Variants in SASH1 observed in about 807,000 individuals in gnomAD.
SASH1 encodes SAM and SH3 domain-containing protein 1.
A neutral mutation model predicts 125.2 loss-of-function variants in SASH1; 44 were observed. The observed-to-expected ratio is 0.35, with a 90% CI of 0.28 to 0.45. SASH1 has a LOEUF of 0.45. SASH1 is among the 20% of genes least tolerant of loss of function. SASH1 has a pLI of 1.00. For missense variants in SASH1, 1,426 were observed against 1,614.5 expected, an observed-to-expected ratio of 0.88 and a Z score of 2.00; for synonymous variants, 639 against 649.1, an observed-to-expected ratio of 0.98 and a Z score of 0.24.
chr6:148,448,317 T>G (rs1474383467), intron 4 of SASH1, among the ~76,000 whole-genome samples: 1 of 152,120 alleles, frequency 6.6e-6, no homozygotes, highest in Non-Finnish European at 1.5e-5. Flanking sequence ...AAAATCTTCT[T>G]GCCGTTCTTC....
chr6:148,408,609 C>T (rs1261371868), intron 2 of SASH1, among the ~76,000 whole-genome samples: 1 of 152,134 alleles, frequency 6.6e-6, no homozygotes, highest in African/African-American at 2.4e-5. Context: ...CAAATATTTT[C>T]TTCACTTCTG....
chr6:148,375,760 T>A (rs1433704699), intron 1 of SASH1, among the ~76,000 whole-genome samples: 1 of 152,204 alleles, frequency 6.6e-6, no homozygotes, highest in East Asian at 1.9e-4. Context: ...AAAAGTTCCT[T>A]TGTAGGACTG....
In SASH1 at chr6:148,541,329, A is replaced by G. The variant is rs115059075; in HGVS notation, c.2209+773A>G. Reference sequence around the variant, plus strand: ...TATTTACTGAGCACCTACTAAAGCAAACTTTTTTAAAACTTAATGCAGGTT... The same window carrying G: ...TATTTACTGAGCACCTACTAAAGCAGACTTTTTTAAAACTTAATGCAGGTT... On this transcript the variant is annotated intron_variant, in intron 17 of 19. Transcript: ENST00000367467. Among the ~76,000 whole-genome samples, 440 of 151,696 alleles carry G rather than the reference A, an allele frequency of 2.9e-3. 3 individuals are homozygous for G. The highest frequency in any genetic ancestry group is 0.01 in the African/African-American group (419 of 41,320).
chr6:148,436,867 G>A (rs899508199), intron 2 of SASH1, among the ~76,000 whole-genome samples: 2 of 152,196 alleles, frequency 1.3e-5, no homozygotes, highest in African/African-American at 4.8e-5. Context: ...TTTGTTACAC[G>A]GCAGTAGTAA....
In SASH1 at chr6:148,531,608, C is replaced by T; in HGVS notation, c.1511C>T (p.Ala504Val). 1 of 1,578,918 alleles carries T rather than the reference C, an allele frequency of 6.3e-7. No homozygotes were observed. The highest frequency in any genetic ancestry group is 8.6e-7 in the Non-Finnish European group (1 of 1,162,484). The change falls in exon 13 of 20, where the codon GCC (alanine) becomes GTC (valine). Residue 504 changes from alanine (A) to valine (V), a missense_variant. This residue lies in a region of SASH1 where 225 missense variants were observed against 344.5 expected (regional missense o/e 0.65). Coordinates refer to ENST00000367467, the MANE Select transcript of SASH1 (RefSeq NM_015278.5). ...PEHLDKPKLKAGGSVESLRSS... is the reference protein window; with the variant it reads ...PEHLDKPKLKVGGSVESLRSS... ...CACTTGGACAAGCCCAAGCTCAAGG[C>T]CGGGGGTTCTGTAGAAAGTCTTCGC...
chr6:148,224,023 G>A, the SASH1 span, among the ~76,000 whole-genome samples: 1 of 152,200 alleles, frequency 6.6e-6, no homozygotes, highest in Admixed American at 6.5e-5. Context: ...GCCAGGCACA[G>A]TGGCTTATGC....
chr6:148,509,643 G>T (rs547767107), intron 8 of SASH1, among the ~76,000 whole-genome samples: 3 of 152,204 alleles, frequency 2.0e-5, no homozygotes, highest in Non-Finnish European at 4.4e-5. Flanking sequence ...ATGGCTTTTG[G>T]AAAGGATTTG....
At chr6:148,378,969 G>A (rs1394452904) in intron 1 of SASH1, among the ~76,000 whole-genome samples, 1 of 152,210 alleles carries the variant, frequency 6.6e-6, no homozygotes, top group African/African-American at 2.4e-5. Flanking sequence ...GGTTTTTCTA[G>A]CTGGTGAGGG....
chr6:148,349,297 T>A (rs1364534886), intron 1 of SASH1, among the ~76,000 whole-genome samples: 1 of 133,346 alleles, frequency 7.5e-6, no homozygotes, highest in African/African-American at 2.8e-5. Flanking sequence ...AGTCAAACTC[T>A]GTTGCCCAGG....
the SASH1 span, among the ~76,000 whole-genome samples, chr6:148,221,876 C>A: frequency 2.6e-5 from 4 of 152,296 alleles, no homozygotes; most frequent in East Asian, 1.9e-4. Flanking sequence ...CCTTTCCCTG[C>A]GGGTCACTTA....
At chr6:148,469,380 C>G (rs1777994040) in intron 5 of SASH1, among the ~76,000 whole-genome samples, 1 of 152,156 alleles carries the variant, frequency 6.6e-6, no homozygotes, top group Non-Finnish European at 1.5e-5. Context: ...TAGGCTGCAT[C>G]TCTGTTTCAG....
chr6:148,305,411 C>A (rs995908244), intron 1 of SASH1, among the ~76,000 whole-genome samples: 2 of 152,098 alleles, frequency 1.3e-5, no homozygotes, highest in African/African-American at 4.8e-5. Context: ...TTCGAGATCA[C>A]CCTGGCCAAG....
At chr6:148,423,478 A>T (rs1775664915) in intron 2 of SASH1, among the ~76,000 whole-genome samples, 1 of 152,226 alleles carries the variant, frequency 6.6e-6, no homozygotes, top group Admixed American at 6.5e-5. Context: ...GACAACAATA[A>T]TAGTGACACT....
the SASH1 span, among the ~76,000 whole-genome samples, chr6:148,266,329 C>A: frequency 1.6e-3 from 239 of 152,090 alleles, 1 homozygote; most frequent in African/African-American, 5.3e-3. Flanking sequence ...GTTGACTGAA[C>A]GGAAAATAAG....
In SASH1 at chr6:148,546,248, T is replaced by C. The variant is rs1193035190; in HGVS notation, c.3480+102T>C. Reference sequence around the variant, plus strand: ...CCAAGTAGGCAAGGGCTTGCGTAGCTATGGAAAGGAGACAGCTGGGGAGAA... The same window carrying C: ...CCAAGTAGGCAAGGGCTTGCGTAGCCATGGAAAGGAGACAGCTGGGGAGAA... On this transcript the variant is annotated intron_variant, in intron 19 of 19. Transcript: ENST00000367467. 4.4e-6 allele frequency: 6 copies of C among 1,376,838 alleles called. No homozygotes were observed. The Admixed American group carries it at 1.4e-4, about 33-fold the overall frequency. 85.3% of individuals were successfully genotyped at this position (1,376,838 alleles called of 1,614,324 possible).
intron 5 of SASH1, among the ~76,000 whole-genome samples, chr6:148,469,762 T>C (rs1042894545): frequency 1.3e-5 from 2 of 151,736 alleles, no homozygotes; most frequent in Admixed American, 6.6e-5. Flanking sequence ...ACGTGGTGGC[T>C]CACATCTGTA....
At chr6:148,510,882 GCT>G (rs1449847998) in intron 8 of SASH1, among the ~76,000 whole-genome samples, 1 of 151,778 alleles carries the variant, frequency 6.6e-6, no homozygotes, top group Non-Finnish European at 1.5e-5. Flanking sequence ...TGTAATCCCA[GCT>G]ACTCGGGAGG....
Position 148,514,458 on chromosome 6 carries a change from T to TAAAAAAAAAAAAAA in SASH1, c.862+17_862+30dup, listed in dbSNP as rs10710533. On this transcript the variant is annotated splice_region_variant and intron_variant, in intron 9 of 19. Coordinates refer to ENST00000367467, the MANE Select transcript of SASH1 (RefSeq NM_015278.5). Reference sequence around the variant, plus strand: ...AAATGAAAAAACCCAGCACTGAAGGTAAAAAAAAAAAAAAAAAAAAAAAAA... The same window carrying TAAAAAAAAAAAAAA: ...AAATGAAAAAACCCAGCACTGAAGGTAAAAAAAAAAAAAAAAAAAAAAAAAAAAAAAAAAAAAAA... 64 of 573,366 alleles carry TAAAAAAAAAAAAAA rather than the reference T, an allele frequency of 1.1e-4. 5 individuals are homozygous for TAAAAAAAAAAAAAA. Among genetic ancestry groups the TAAAAAAAAAAAAAA allele is most frequent in the East Asian group, 6.8e-4 (6 of 8,786 alleles). The allele number at this position is 573,366 out of a possible 1,614,324, so 35.5% of individuals were successfully genotyped here.
At position 148,440,387 on chromosome 6, in the gene SASH1, A is replaced by C. The variant is rs1776494489; in HGVS notation, c.366A>C (p.Ser122=). The change falls in exon 4 of 20, where the codon TCA becomes TCC. Residue 122 remains serine (S), a synonymous_variant. Coordinates refer to ENST00000367467, the MANE Select transcript of SASH1 (RefSeq NM_015278.5). ...CGCTTGGCTTCTGTAGCGCCGTGTC[A>C]ACCCCAGAAGTGGAAAGAAAGTAAG... ...EESLGFCSAV[S]TPEVERKNPL... is the part of the protein sequence containing the mutation. 6.2e-7 allele frequency: 1 copy of C among 1,614,062 alleles called. No individual in the cohort carries two copies. Among genetic ancestry groups the C allele is most frequent in the African/African-American group, 1.3e-5 (1 of 74,994 alleles).
Sources: gnomAD v4.1 joint callset for allele counts (sites outside exome capture counted in the v4.1 genomes callset) on GRCh38, gnomAD v4.1.1 for gene constraint, gnomAD v4.1.1 regional missense constraint, MANE v1.5 for transcripts, NCBI Gene and HGNC (gene_info 2026-07-23, HGNC 2026-07-21) for gene names.